Variants in MTCL1 observed in about 807,000 individuals in gnomAD.
The protein encoded by MTCL1 is microtubule crosslinking factor 1, also known as microtubule cross-linking factor 1.
MTCL1 carries 79 observed loss-of-function variants against 141.4 expected under a neutral mutation model. The observed-to-expected ratio is 0.56, with a 90% CI of 0.47 to 0.67. The LOEUF (loss-of-function observed/expected upper bound fraction) is 0.67. Among genes scored for constraint, MTCL1 ranks in the 30% least tolerant of loss-of-function variants. MTCL1 has a pLI of 0.00. For synonymous variants in MTCL1, 914 were observed against 875.8 expected, an observed-to-expected ratio of 1.04 and a Z score of -0.77; for missense variants, 2,177 against 2,113.9, an observed-to-expected ratio of 1.03 and a Z score of -0.59.
Position 8,828,781 on chromosome 18 carries a change from C to T in MTCL1, c.4723-127C>T, listed in dbSNP as rs2077103865. ...GCCCGCAAGTCTCTCCTGGTGGCTA[C>T]CCCTGAGCGAGAGGGATGGTCCTCT... is the stretch of plus-strand genomic sequence containing the variant. On this transcript the variant is annotated intron_variant, in intron 15 of 16. Transcript: ENST00000359865. This position sits in a 1 kb window ranked among gnomAD's most constrained non-coding sequence, Gnocchi z 5.2. 6.8e-7 allele frequency: 1 copy of T among 1,474,556 alleles called. No individual in the cohort carries two copies. Among genetic ancestry groups the T allele is most frequent in the South Asian group, 1.3e-5 (1 of 78,476 alleles). 91.3% of individuals were successfully genotyped at this position (1,474,556 alleles called of 1,614,324 possible).
At chr18:8,758,020 C>CTTTT (rs1162855433) in intron 4 of MTCL1, among the ~76,000 whole-genome samples, 1 of 126,904 alleles carries the variant, frequency 7.9e-6, no homozygotes, top group Non-Finnish European at 1.7e-5. Context: ...AGCACCCAGT[C>CTTTT]TTTTTTTTTT....
At chr18:8,751,379 G>A (rs1038902077) in intron 4 of MTCL1, among the ~76,000 whole-genome samples, 2 of 152,138 alleles carry the variant, frequency 1.3e-5, no homozygotes, top group Admixed American at 6.5e-5. Flanking sequence ...GGAGTGAAAC[G>A]CGATGCTTGA....
At chr18:8,755,617 G>A (rs2096393478) in intron 4 of MTCL1, among the ~76,000 whole-genome samples, 1 of 152,182 alleles carries the variant, frequency 6.6e-6, no homozygotes, top group African/African-American at 2.4e-5. Context: ...GGTGGCCCCA[G>A]GAGAACCTGA....
At chr18:8,776,210 T>A (rs943383083) in intron 4 of MTCL1, among the ~76,000 whole-genome samples, 6 of 152,160 alleles carry the variant, frequency 3.9e-5, no homozygotes, top group Non-Finnish European at 7.4e-5. Context: ...ACAGTCTCTT[T>A]CCTTTCGCAG....
chr18:8,718,813 CTT>C (rs1404300445), intron 3 of MTCL1, among the ~76,000 whole-genome samples, 165 bp downstream of exon 2: 3 of 152,110 alleles, frequency 2.0e-5, no homozygotes, highest in Non-Finnish European at 4.4e-5. Context: ...AGTTATATGA[CTT>C]TGACACCCCA....
rs144515331 is a variant in MTCL1 at position 8,791,364 on chromosome 18, G to C, written c.1888-1634G>C. The stretch of plus-strand genomic sequence containing the variant: ...TTGGTCCGGGAATCCCCAAAGAAAG[G>C]GATTTATGTTATGTTGCTAGCTCCA... On this transcript the variant is annotated intron_variant, in intron 7 of 16. Transcript: ENST00000359865. Among the ~76,000 whole-genome samples, 107 of 151,370 alleles carry C rather than the reference G, an allele frequency of 7.1e-4. No individual in the cohort carries two copies. In the East Asian group the frequency reaches 0.017, roughly 24 times the overall value.
exon 13 of MTCL1, chr18:8,819,109 G>T (rs1406752285): frequency 1.2e-6 from 2 of 1,614,096 alleles, no homozygotes; most frequent in African/African-American, 2.7e-5. Context: ...ACTCCATCCC[G>T]TTTGAAGACC....
At chr18:8,733,125 G>C (rs1477781824) in intron 4 of MTCL1, among the ~76,000 whole-genome samples, 1 of 152,218 alleles carries the variant, frequency 6.6e-6, no homozygotes, top group Non-Finnish European at 1.5e-5. Flanking sequence ...GGGGAGGAAG[G>C]TGAGAGCTGA....
At chr18:8,734,140 G>T (rs2096264660) in intron 4 of MTCL1, among the ~76,000 whole-genome samples, 1 of 151,860 alleles carries the variant, frequency 6.6e-6, no homozygotes. Flanking sequence ...TCGTTGTGGG[G>T]ACTATCCTGT....
chr18:8,781,179 C>CAAA (rs56370900), intron 5 of MTCL1, among the ~76,000 whole-genome samples: 54 of 67,394 alleles, frequency 8.0e-4, no homozygotes, highest in South Asian at 1.8e-3. Context: ...GACTCCATCT[C>CAAA]AAAAAAAAAA....
chr18:8,742,995 A>G (rs768162995), intron 4 of MTCL1, among the ~76,000 whole-genome samples: 6 of 152,250 alleles, frequency 3.9e-5, no homozygotes, highest in Non-Finnish European at 7.3e-5. Context: ...ACTTATCACA[A>G]TTAAAACTGT....
At chr18:8,780,601 G>A (rs1219704603) in intron 5 of MTCL1, among the ~76,000 whole-genome samples, 2 of 152,194 alleles carry the variant, frequency 1.3e-5, no homozygotes, top group Non-Finnish European at 2.9e-5. Context: ...TAACAATGGG[G>A]CTGAGGGCAC....
chr18:8,785,806 T>C, intron 6 of MTCL1, 130 bp from the exon 6 acceptor site: 1 of 1,104,484 alleles, frequency 9.1e-7, no homozygotes, highest in South Asian at 1.7e-5. Flanking sequence ...GTTTTCTCAG[T>C]CGTCTCCCTT....
At chr18:8,791,034 A>G (rs779200986) in intron 7 of MTCL1, among the ~76,000 whole-genome samples, 4 of 152,086 alleles carry the variant, frequency 2.6e-5, no homozygotes, top group Non-Finnish European at 5.9e-5. Flanking sequence ...GCAAACAAAG[A>G]ACTGAGAACC....
intron 4 of MTCL1, among the ~76,000 whole-genome samples, chr18:8,762,296 G>A (rs1180000540): frequency 6.6e-6 from 1 of 152,258 alleles, no homozygotes; most frequent in Non-Finnish European, 1.5e-5. Context: ...TTGCTGTGCT[G>A]TCTCCATGGT....
chr18:8,788,857 G>A (rs765062979), intron 7 of MTCL1, among the ~76,000 whole-genome samples: 7 of 152,322 alleles, frequency 4.6e-5, no homozygotes, highest in East Asian at 3.9e-4. Context: ...ACTTCAGGAC[G>A]AGTGTTTCTG....
At chr18:8,803,189 A>C (rs2076180072) in intron 10 of MTCL1, among the ~76,000 whole-genome samples, 1 of 151,892 alleles carries the variant, frequency 6.6e-6, no homozygotes, top group South Asian at 2.1e-4. Flanking sequence ...AGAAAAAGAA[A>C]AAGGCTTGGC....
chr18:8,731,466 C>T (rs2096250297), intron 4 of MTCL1, among the ~76,000 whole-genome samples: 1 of 151,572 alleles, frequency 6.6e-6, no homozygotes, highest in South Asian at 2.1e-4. Context: ...CCCAGCTACT[C>T]AGGAGGCCGA....
chr18:8,825,807 A>T, exon 15 of MTCL1: 1 of 1,614,154 alleles, frequency 6.2e-7, no homozygotes, highest in Non-Finnish European at 8.5e-7. Flanking sequence ...CACAAGGGAG[A>T]GCCCCGTGCA....
Sources: allele counts gnomAD v4.1 joint callset (sites outside exome capture counted in the v4.1 genomes callset), GRCh38; gene constraint gnomAD v4.1.1; non-coding constraint Gnocchi (gnomAD v3.1); transcripts MANE v1.5; gene names NCBI Gene and HGNC (gene_info 2026-07-23, HGNC 2026-07-21).